Variants in XPNPEP1 observed in about 807,000 individuals in gnomAD.
XPNPEP1 encodes X-prolyl aminopeptidase 1.
Under a neutral mutation model 92.4 loss-of-function variants are expected in XPNPEP1, and 39 were observed. That is an observed-to-expected ratio of 0.42 (90% confidence interval 0.33 to 0.55). The LOEUF is 0.55. XPNPEP1 is among the 20% of genes least tolerant of loss of function. The pLI, the probability that XPNPEP1 is intolerant of heterozygous loss-of-function variation, is 0.08. For missense variants in XPNPEP1, 654 were observed against 856.1 expected (o/e 0.76, Z 2.95); for synonymous variants, 307 against 299.4 (o/e 1.03, Z -0.26).
chr10:109,883,833 C>T (rs1159946947), intron 9 of XPNPEP1: 3 of 434,968 alleles, frequency 6.9e-6, no homozygotes, highest in Admixed American at 4.2e-5. Context: ...ATGGGTGGCC[C>T]GAACTATAGA....
At chr10:109,919,056 AT>A (rs1355183688) in intron 1 of XPNPEP1, among the ~76,000 whole-genome samples, 2 of 152,246 alleles carry the variant, frequency 1.3e-5, no homozygotes, top group African/African-American at 2.4e-5. Flanking sequence ...TAGCGCAACC[AT>A]AAGTCTGCCT....
intron 15 of XPNPEP1, 148 bp from the exon 16 acceptor site, chr10:109,873,575 T>C (rs1847608633): frequency 1.2e-6 from 1 of 847,336 alleles, no homozygotes; most frequent in Non-Finnish European, 1.9e-6. Flanking sequence ...TAGTTCGCAG[T>C]TCCTTAAAAG....
chr10:109,917,567 G>A (rs1417537152), intron 1 of XPNPEP1, among the ~76,000 whole-genome samples: 2 of 152,190 alleles, frequency 1.3e-5, no homozygotes, highest in Admixed American at 6.5e-5. Flanking sequence ...TTGATCTATG[G>A]ACTCAATGCA....
chr10:109,913,087 A>T (rs1289206627), intron 2 of XPNPEP1, among the ~76,000 whole-genome samples: 1 of 152,262 alleles, frequency 6.6e-6, no homozygotes, highest in Non-Finnish European at 1.5e-5. Flanking sequence ...CCACGATGAA[A>T]CATTAGCCCA....
intron 20 of XPNPEP1, among the ~76,000 whole-genome samples, chr10:109,866,243 C>T (rs1468894719): frequency 6.6e-6 from 1 of 152,158 alleles, no homozygotes; most frequent in East Asian, 1.9e-4. Flanking sequence ...TACCAAAGCC[C>T]AGCTGGGGTC....
In XPNPEP1 at chr10:109,882,568, G is replaced by A. The variant is rs182746342; in HGVS notation, c.905C>T (p.Ala302Val). The A allele has an allele frequency of 1.9e-6, 3 of 1,614,176 alleles. No individual in the cohort carries two copies. In the African/African-American group the frequency reaches 4.0e-5, roughly 22 times the overall value. The change falls in exon 10 of 21, where the codon GCC becomes GTC. Residue 302 changes from alanine to valine, a missense_variant. Ala to Val is a moderately conservative substitution (Grantham distance 64). Coordinates refer to ENST00000502935, the MANE Select transcript of XPNPEP1 (RefSeq NM_020383.4). ...GGGATGCACCTGGATCCTGTATTCG[G>A]CTTCCAGACCCAAGTCAAGAAGCAG... ...EHLLLDLGLEAEYRIQVHPYK... is the reference protein window; with the variant it reads ...EHLLLDLGLEVEYRIQVHPYK...
intron 2 of XPNPEP1, among the ~76,000 whole-genome samples, chr10:109,911,854 T>C (rs117911154): frequency 1.1e-3 from 167 of 152,336 alleles, no homozygotes; most frequent in East Asian, 0.01. Context: ...TCCATTCAGG[T>C]ACATTCTGAC....
intron 12 of XPNPEP1, 150 bp from the exon 13 acceptor site, chr10:109,878,208 C>T: frequency 2.7e-6 from 2 of 732,534 alleles, no homozygotes; most frequent in East Asian, 2.6e-5. Context: ...CAAGGGAGAA[C>T]TCCCAAAGGC....
Position 109,893,006 on chromosome 10 carries a change from A to G in XPNPEP1, c.310+6T>C. On this transcript the variant is annotated splice_donor_region_variant and intron_variant, in intron 4 of 20. Coordinates refer to ENST00000502935, the MANE Select transcript of XPNPEP1 (RefSeq NM_020383.4). ...CAGCAAGAACAGAGAAAAAGTAGTGACTCACCCGCAGAGCCATCGAATCCA... is the reference window on the plus strand; with the variant it reads ...CAGCAAGAACAGAGAAAAAGTAGTGGCTCACCCGCAGAGCCATCGAATCCA... 1 of 1,613,162 alleles carries G rather than the reference A, an allele frequency of 6.2e-7. No homozygotes were observed. Among genetic ancestry groups the G allele is most frequent in the Non-Finnish European group, 8.5e-7 (1 of 1,179,618 alleles).
intron 11 of XPNPEP1, 62 bp from the exon 12 acceptor site, chr10:109,880,300 G>A: frequency 6.4e-7 from 1 of 1,562,962 alleles, no homozygotes; most frequent in Non-Finnish European, 8.8e-7. Flanking sequence ...CAGATTCAGA[G>A]CCTAGCCCTA....
intron 2 of XPNPEP1, among the ~76,000 whole-genome samples, chr10:109,912,420 T>C (rs957374398): frequency 6.6e-6 from 1 of 152,222 alleles, no homozygotes; most frequent in African/African-American, 2.4e-5. Context: ...GTGAGGCAGC[T>C]ACCACTGAAG....
In XPNPEP1 at chr10:109,888,132, T is replaced by G. The variant is rs1848499794; in HGVS notation, c.569A>C (p.Lys190Thr). The G allele has an allele frequency of 6.2e-7, 1 of 1,613,892 alleles. No individual in the cohort carries two copies. The highest frequency in any genetic ancestry group is 8.5e-7 in the Non-Finnish European group (1 of 1,180,026). Reference sequence around the variant, plus strand: ...CCAGATTTTGTCAACGAGGTTCTCCTTGACAGGAATGAGGTGATGGCCGGC... The same window carrying G: ...CCAGATTTTGTCAACGAGGTTCTCCGTGACAGGAATGAGGTGATGGCCGGC... ...RSAGHHLIPV[K>T]ENLVDKIWTD... Residue 190 changes from lysine to threonine, a missense_variant, in exon 7 of 21, where the codon AAG (lysine) becomes ACG (threonine). Lys to Thr is a moderately conservative substitution (Grantham distance 78). Coordinates refer to ENST00000502935, the MANE Select transcript of XPNPEP1 (RefSeq NM_020383.4).
chr10:109,908,069 G>C (rs1163407361), intron 2 of XPNPEP1, among the ~76,000 whole-genome samples: 1 of 152,184 alleles, frequency 6.6e-6, no homozygotes, highest in Non-Finnish European at 1.5e-5. Context: ...CAACTTGACT[G>C]GTTACCTCTT....
Position 109,865,278 on chromosome 10 carries a change from C to T in XPNPEP1, c.1907G>A (p.Arg636Lys), listed in dbSNP as rs142010880. ...CTGCAATTCCTTCCCAATCACATCC[C>T]TGCAGGTCAGGTGGTAATTGTTGAG... ...DWLNNYHLTC[R>K]DVIGKELQKQ... Residue 636 changes from arginine (R) to lysine (K), a missense_variant, in exon 21 of 21, where the codon AGG becomes AAG. Arg to Lys is a conservative substitution (Grantham distance 26). Transcript: ENST00000502935. 37 of 1,614,206 alleles carry T rather than the reference C, an allele frequency of 2.3e-5. No homozygotes were observed. The African/African-American group carries it at 4.3e-4, about 19-fold the overall frequency.
intron 16 of XPNPEP1, among the ~76,000 whole-genome samples, chr10:109,872,973 CAG>C (rs1447173752): frequency 6.6e-6 from 1 of 152,090 alleles, no homozygotes; most frequent in Non-Finnish European, 1.5e-5. Flanking sequence ...AGAAAGTTTC[CAG>C]AGAGTTAAGC....
At chr10:109,869,903 G>A (rs1293916766) in intron 19 of XPNPEP1, 50 bp downstream of exon 19, 1 of 1,580,878 alleles carries the variant, frequency 6.3e-7, no homozygotes, top group Non-Finnish European at 8.7e-7. Context: ...TCTATCCGAG[G>A]CGTGATTATT....
chr10:109,864,853 A>G lies in XPNPEP1; in HGVS notation c.*331T>C. On this transcript the variant is annotated 3_prime_UTR_variant, in exon 21 of 21. Transcript: ENST00000502935. ...TGAATGATGTACTAGCACCTGGAAC[A>G]TGACCATCATGGAGCACTCACTGAT... 1 of 336,736 alleles carries G rather than the reference A, an allele frequency of 3.0e-6. No homozygotes were observed. Among genetic ancestry groups the G allele is most frequent in the South Asian group, 3.1e-5 (1 of 32,374 alleles). The allele number at this position is 336,736 out of a possible 1,614,324, so 20.9% of individuals were successfully genotyped here.
At chr10:109,873,267 A>C (rs642938) in intron 16 of XPNPEP1, 100 bp downstream of exon 16, 766,936 of 1,378,916 alleles carry the variant, frequency 0.56, 221,907 homozygotes, top group Non-Finnish European at 0.61. Context: ...TTACTACCCC[A>C]CATGTAATTT....
At chr10:109,875,679 T>C in intron 14 of XPNPEP1, 80 bp from the exon 15 acceptor site, 1 of 1,246,440 alleles carries the variant, frequency 8.0e-7, no homozygotes. Flanking sequence ...ACAAGAGCTC[T>C]TTGTACTATT....
Sources: gnomAD v4.1 joint callset for allele counts (sites outside exome capture counted in the v4.1 genomes callset) on GRCh38, gnomAD v4.1.1 for gene constraint, MANE v1.5 for transcripts, NCBI Gene and HGNC (gene_info 2026-07-23, HGNC 2026-07-21) for gene names.